The following CLYBL variants were observed in gnomAD, a reference collection of about 807,000 sequenced individuals.
The protein encoded by CLYBL is citramalyl-CoA lyase, mitochondrial.
In CLYBL, 31 loss-of-function variants were observed where a neutral mutation model predicts 38.9. The observed-to-expected ratio is 0.80, with a 90% CI of 0.60 to 1.08. The LOEUF (loss-of-function observed/expected upper bound fraction) is 1.08. Ranked by LOEUF, CLYBL falls within the 50% of genes least tolerant of loss-of-function variation. The probability of loss-of-function intolerance (pLI) is 0.00; values close to 1 mark genes in which losing one functional copy is unlikely to be tolerated. For missense variants in CLYBL, 434 were observed against 411.6 expected (o/e 1.05, Z -0.47); for synonymous variants, 171 against 158.6 (o/e 1.08, Z -0.59).
chr13:99,697,415 C>T (rs1265160985), intron 1 of CLYBL, among the ~76,000 whole-genome samples: 1 of 152,186 alleles, frequency 6.6e-6, no homozygotes, highest in African/African-American at 2.4e-5. Flanking sequence ...CGCTGTCTGT[C>T]ACCCAGGCTG....
intron 2 of CLYBL, among the ~76,000 whole-genome samples, chr13:99,835,145 G>A (rs772261337): frequency 1.3e-5 from 2 of 152,180 alleles, no homozygotes; most frequent in Admixed American, 6.5e-5. Flanking sequence ...TGTTCTCACC[G>A]TCGCCTCTAC....
intron 2 of CLYBL, among the ~76,000 whole-genome samples, chr13:99,809,852 C>G (rs1020666545): frequency 2.0e-5 from 3 of 152,114 alleles, no homozygotes; most frequent in African/African-American, 7.2e-5. Flanking sequence ...GTGAGAGAGC[C>G]TGAAGGAACT....
intron 1 of CLYBL, among the ~76,000 whole-genome samples, chr13:99,650,438 A>G (rs1404111979): frequency 6.6e-6 from 1 of 152,186 alleles, no homozygotes; most frequent in African/African-American, 2.4e-5. Flanking sequence ...AGAAGTTTTC[A>G]AGAGGGGAAG....
At chr13:99,706,760 C>T (rs1045728632) in intron 1 of CLYBL, among the ~76,000 whole-genome samples, 4 of 152,164 alleles carry the variant, frequency 2.6e-5, no homozygotes, top group African/African-American at 9.7e-5. Flanking sequence ...AAGATGGCTG[C>T]ATTTAGAGTC....
Position 99,798,671 on chromosome 13 carries a change from C to G in CLYBL, c.249+25661C>G, listed in dbSNP as rs148312518. On this transcript the variant is annotated intron_variant, in intron 2 of 8. Coordinates refer to ENST00000339105, the MANE Select transcript of CLYBL (RefSeq NM_206808.5). Reference sequence around the variant, plus strand: ...CGTATGTAAACAACATTTGTTTTGCCTTAGAGATATTGCATGATTGGACCC... The same window carrying G: ...CGTATGTAAACAACATTTGTTTTGCGTTAGAGATATTGCATGATTGGACCC... Among the ~76,000 whole-genome samples, 1,277 of 152,168 alleles carry G rather than the reference C, an allele frequency of 8.4e-3. 10 individuals carry two copies. Among genetic ancestry groups the G allele is most frequent in the Non-Finnish European group, 0.015 (1,025 of 67,998 alleles).
At chr13:99,793,033 A>AAAACACACACACACACACACACAC (rs368975807) in intron 2 of CLYBL, among the ~76,000 whole-genome samples, 94 of 146,050 alleles carry the variant, frequency 6.4e-4, no homozygotes, top group East Asian at 5.7e-3. Flanking sequence ...GTGCATACAT[A>AAAACACACACACACACACACACAC]ACACACACAC....
Position 99,808,859 on chromosome 13 carries a change from T to C in CLYBL, c.249+35849T>C, listed in dbSNP as rs148196965. Among the ~76,000 whole-genome samples, 67 of 152,356 alleles carry C rather than the reference T, an allele frequency of 4.4e-4. 1 individual carries two copies. Among genetic ancestry groups the C allele is most frequent in the African/African-American group, 1.4e-3 (58 of 41,578 alleles). On this transcript the variant is annotated intron_variant, in intron 2 of 8. Coordinates refer to ENST00000339105, the MANE Select transcript of CLYBL (RefSeq NM_206808.5). Reference sequence around the variant, plus strand: ...CTGCCTTCATACATCAAATTTCACATTGACAGCTCTGATCCTGGTCCTTCC... The same window carrying C: ...CTGCCTTCATACATCAAATTTCACACTGACAGCTCTGATCCTGGTCCTTCC...
At chr13:99,771,698 C>G (rs1357825910) in intron 1 of CLYBL, among the ~76,000 whole-genome samples, 1 of 152,086 alleles carries the variant, frequency 6.6e-6, no homozygotes, top group African/African-American at 2.4e-5. Flanking sequence ...AGAGACTGAA[C>G]TTGGTATGAT....
chr13:99,827,502 G>C (rs1236258806), intron 2 of CLYBL, among the ~76,000 whole-genome samples: 1 of 152,048 alleles, frequency 6.6e-6, no homozygotes, highest in Non-Finnish European at 1.5e-5. Flanking sequence ...CATCATCCCC[G>C]CTGCAGAAAG....
chr13:99,842,922 C>CG lies in CLYBL; in HGVS notation c.250-15933dup, dbSNP rs869124218. 3.3e-5 allele frequency among the ~76,000 whole-genome samples: 5 copies of CG among 150,986 alleles called. No individual in the cohort carries two copies. In the East Asian group the frequency reaches 8.1e-4, roughly 24 times the overall value. On this transcript the variant is annotated intron_variant, in intron 2 of 8. Transcript: ENST00000339105. ...AACATAGCAAAACCCTATCCCTTTG[C>CG]GGGGGGAAAAAAAGGCATTTTTTTT...
chr13:99,759,305 C>T (rs78074040), intron 1 of CLYBL, among the ~76,000 whole-genome samples: 3,023 of 152,242 alleles, frequency 0.02, 59 homozygotes, highest in South Asian at 0.073. Context: ...TGATGGAAAG[C>T]AGGGGATAAA....
At chr13:99,732,067 C>G (rs2048600578) in intron 1 of CLYBL, among the ~76,000 whole-genome samples, 1 of 151,616 alleles carries the variant, frequency 6.6e-6, no homozygotes, top group Non-Finnish European at 1.5e-5. Context: ...TTTTCTTTTT[C>G]CCTTCTTTCT....
chr13:99,889,358 A>G (rs945474576), intron 7 of CLYBL, among the ~76,000 whole-genome samples: 3 of 152,156 alleles, frequency 2.0e-5, no homozygotes, highest in Non-Finnish European at 4.4e-5. Flanking sequence ...CAATAAGAAA[A>G]CTAGACGATT....
At chr13:99,871,990 CAAAAA>C (rs113487766) in intron 7 of CLYBL, among the ~76,000 whole-genome samples, 30,062 of 119,384 alleles carry the variant, frequency 0.25, 3,709 homozygotes, top group East Asian at 0.43. Context: ...TTCCCCCCTG[CAAAAA>C]AAAAAAAAAA....
At chr13:99,743,959 CTTCT>C (rs1215922944) in intron 1 of CLYBL, among the ~76,000 whole-genome samples, 137 of 135,950 alleles carry the variant, frequency 1.0e-3, no homozygotes, top group Non-Finnish European at 1.2e-3. Context: ...TTTTTTTTCT[CTTCT>C]TTCTTTTTTT....
intron 2 of CLYBL, among the ~76,000 whole-genome samples, chr13:99,781,332 A>G (rs948721390): frequency 2.0e-5 from 3 of 151,228 alleles, no homozygotes; most frequent in Non-Finnish European, 4.4e-5. Context: ...CACCATGCCC[A>G]GCTAATTTTT....
At chr13:99,703,942 T>G (rs1324318445) in intron 1 of CLYBL, among the ~76,000 whole-genome samples, 2 of 152,214 alleles carry the variant, frequency 1.3e-5, no homozygotes, top group Admixed American at 6.5e-5. Context: ...CTCATAAATT[T>G]CACAGTTATA....
chr13:99,802,903 C>G (rs113961662), intron 2 of CLYBL, among the ~76,000 whole-genome samples: 1 of 152,126 alleles, frequency 6.6e-6, no homozygotes, highest in Non-Finnish European at 1.5e-5. Context: ...ACACGTACAG[C>G]GCTTACCGTT....
intron 1 of CLYBL, among the ~76,000 whole-genome samples, chr13:99,769,811 C>T (rs1271432423): frequency 3.3e-5 from 5 of 152,080 alleles, no homozygotes; most frequent in Admixed American, 6.6e-5. Flanking sequence ...AAGGTAAGGT[C>T]GGCTACAAGA....
Sources: gnomAD v4.1 joint callset for allele counts (sites outside exome capture counted in the v4.1 genomes callset) on GRCh38, gnomAD v4.1.1 for gene constraint, MANE v1.5 for transcripts, NCBI Gene and HGNC (gene_info 2026-07-23, HGNC 2026-07-21) for gene names.